Variants in FSTL4 observed in about 807,000 individuals in gnomAD.
FSTL4 encodes the protein follistatin-related protein 4.
FSTL4 carries 28 observed loss-of-function variants against 78.2 expected under a neutral mutation model. The observed-to-expected ratio is 0.36, with a 90% CI of 0.27 to 0.49. FSTL4 has a LOEUF of 0.49. Ranked by LOEUF, FSTL4 falls within the 20% of genes least tolerant of loss-of-function variation. The pLI, the probability that FSTL4 is intolerant of heterozygous loss-of-function variation, is 0.98. For synonymous variants in FSTL4, 422 were observed against 440.5 expected (o/e 0.96, Z 0.53); for missense variants, 922 against 1,084.9 (o/e 0.85, Z 2.11).
At chr5:133,408,499 G>A (rs1333891178) in intron 3 of FSTL4, among the ~76,000 whole-genome samples, 1 of 151,882 alleles carries the variant, frequency 6.6e-6, no homozygotes, top group African/African-American at 2.4e-5. Flanking sequence ...AGAAGGGGCT[G>A]GAGCCAGAGG....
chr5:133,642,247 T>C, the FSTL4 span, among the ~76,000 whole-genome samples: 2 of 152,190 alleles, frequency 1.3e-5, no homozygotes, highest in African/African-American at 4.8e-5. Context: ...ATAGAAGTGC[T>C]ACCAGCGTTA....
chr5:133,721,291 C>T, the FSTL4 span, among the ~76,000 whole-genome samples: 1 of 152,244 alleles, frequency 6.6e-6, no homozygotes, highest in East Asian at 1.9e-4. Context: ...TTTTAACTTT[C>T]ATAATAGAAA....
At chr5:133,802,235 A>G in the FSTL4 span, among the ~76,000 whole-genome samples, 2 of 152,190 alleles carry the variant, frequency 1.3e-5, no homozygotes, top group African/African-American at 2.4e-5. Context: ...TTCAGTAAAT[A>G]TTGACCAAAT....
intron 3 of FSTL4, among the ~76,000 whole-genome samples, chr5:133,524,701 C>T (rs567392879): frequency 6.6e-6 from 1 of 152,158 alleles, no homozygotes; most frequent in Non-Finnish European, 1.5e-5. Flanking sequence ...GTGGGTTGTA[C>T]AATACTGCAG....
At chr5:133,731,182 G>T in the FSTL4 span, among the ~76,000 whole-genome samples, 4 of 152,270 alleles carry the variant, frequency 2.6e-5, no homozygotes, top group South Asian at 8.3e-4. Context: ...AAGCTCTCTC[G>T]GGGAGGTTGT....
chr5:133,486,300 A>C (rs1758133763), intron 3 of FSTL4, among the ~76,000 whole-genome samples: 1 of 151,606 alleles, frequency 6.6e-6, no homozygotes, highest in Non-Finnish European at 1.5e-5. Flanking sequence ...AGGGCAAGGA[A>C]GAGAGATACA....
chr5:133,777,929 C>T, the FSTL4 span, among the ~76,000 whole-genome samples: 4 of 152,208 alleles, frequency 2.6e-5, no homozygotes, highest in Non-Finnish European at 4.4e-5. Flanking sequence ...AGCAAACTTT[C>T]TTAGTTGAAG....
chr5:133,727,001 T>C, the FSTL4 span, among the ~76,000 whole-genome samples: 1 of 152,174 alleles, frequency 6.6e-6, no homozygotes, highest in Non-Finnish European at 1.5e-5. Context: ...GGCATGTCGG[T>C]GTATTAACTA....
the FSTL4 span, among the ~76,000 whole-genome samples, chr5:133,790,207 A>G: frequency 6.6e-6 from 1 of 152,204 alleles, no homozygotes; most frequent in Non-Finnish European, 1.5e-5. Flanking sequence ...AAGCCAGTAA[A>G]TGCATTGATC....
At chr5:133,383,925 G>A (rs1214812695) in intron 4 of FSTL4, among the ~76,000 whole-genome samples, 2 of 152,178 alleles carry the variant, frequency 1.3e-5, no homozygotes, top group East Asian at 1.9e-4. Flanking sequence ...TGAGAAATCC[G>A]ACACCTAAAT....
At chr5:133,290,700 C>T (rs866098985) in intron 6 of FSTL4, among the ~76,000 whole-genome samples, 2 of 152,362 alleles carry the variant, frequency 1.3e-5, no homozygotes, top group African/African-American at 4.8e-5. Flanking sequence ...GTCCCCGCCC[C>T]TGGAGCCCTC....
intron 3 of FSTL4, among the ~76,000 whole-genome samples, chr5:133,418,249 A>G (rs1756619308): frequency 6.6e-6 from 1 of 152,024 alleles, no homozygotes; most frequent in Non-Finnish European, 1.5e-5. Context: ...TAAATTACCG[A>G]TATCAGGAGT....
intron 5 of FSTL4, among the ~76,000 whole-genome samples, chr5:133,315,524 T>C (rs1753883611): frequency 6.6e-6 from 1 of 152,168 alleles, no homozygotes; most frequent in South Asian, 2.1e-4. Flanking sequence ...CTGTGCCATG[T>C]TTAAGATATC....
chr5:133,714,948 G>A, the FSTL4 span, among the ~76,000 whole-genome samples: 162 of 152,322 alleles, frequency 1.1e-3, 3 homozygotes, highest in East Asian at 0.029. Context: ...CATCCCTTAC[G>A]CCCTTGAGTT....
chr5:133,788,420 G>A, the FSTL4 span, among the ~76,000 whole-genome samples: 5 of 152,216 alleles, frequency 3.3e-5, no homozygotes, highest in African/African-American at 9.7e-5. Flanking sequence ...AGGCTCACAC[G>A]AGGCCTAAAA....
At position 133,199,773 on chromosome 5, in the gene FSTL4, A is replaced by G; in HGVS notation, c.1851T>C (p.Ser617=). The change falls in exon 16 of 16, where the codon TCT becomes TCC. Residue 617 remains serine, a synonymous_variant. Coordinates refer to ENST00000265342, the MANE Select transcript of FSTL4 (RefSeq NM_015082.2). The surrounding 1 kb of genome is among the most constrained non-coding windows in gnomAD (Gnocchi z 4.4). ...HIRFGFIFNK[S]DPAVHKVDLE... is the part of the protein sequence containing the mutation. ...GGTCCACCTTGTGGACTGCAGGATC[A>G]GACTTGTTGAAGATGAAGCCAAACC... The G allele has an allele frequency of 6.4e-7, 1 of 1,556,726 alleles. No homozygotes were observed. Among genetic ancestry groups the G allele is most frequent in the Non-Finnish European group, 8.7e-7 (1 of 1,146,538 alleles).
At chr5:133,204,465 C>T (rs1165644615) in intron 14 of FSTL4, among the ~76,000 whole-genome samples, 2 of 152,122 alleles carry the variant, frequency 1.3e-5, no homozygotes. Context: ...AATGTCATAG[C>T]TCAATTTTTG....
chr5:133,313,955 T>C (rs1292712410), intron 5 of FSTL4, among the ~76,000 whole-genome samples: 2 of 152,178 alleles, frequency 1.3e-5, no homozygotes, highest in African/African-American at 4.8e-5. Context: ...GGACTTTAAC[T>C]ATATTAAATT....
chr5:133,225,422 G>T lies in FSTL4; in HGVS notation c.1178-138C>A. 9.5e-7 allele frequency: 1 copy of T among 1,053,772 alleles called. No homozygotes were observed. Among genetic ancestry groups the T allele is most frequent in the Non-Finnish European group, 1.4e-6 (1 of 716,642 alleles). 65.3% of individuals were successfully genotyped at this position (1,053,772 alleles called of 1,614,324 possible). The stretch of plus-strand genomic sequence containing the variant: ...CTGATTATACGCCCAGGAAGGGCTG[G>T]CACATCTGAAATGCACTGAGGGTGA... On this transcript the variant is annotated intron_variant, in intron 9 of 15. Transcript: ENST00000265342. The surrounding 1 kb of genome is among the most constrained non-coding windows in gnomAD (Gnocchi z 4.6).
Sources: gnomAD v4.1 joint callset for allele counts (sites outside exome capture counted in the v4.1 genomes callset) on GRCh38, gnomAD v4.1.1 for gene constraint, Gnocchi (gnomAD v3.1) non-coding constraint, MANE v1.5 for transcripts, NCBI Gene and HGNC (gene_info 2026-07-23, HGNC 2026-07-21) for gene names.